AKT3: variants seen among roughly 807,000 people sequenced by gnomAD.
AKT3 encodes RAC-gamma serine/threonine-protein kinase.
In AKT3, 15 loss-of-function variants were observed where a neutral mutation model predicts 65.3. The observed-to-expected ratio is 0.23, with a 90% CI of 0.15 to 0.35. The LOEUF is 0.35. Among genes scored for constraint, AKT3 ranks in the 10% least tolerant of loss-of-function variants. AKT3 has a pLI of 1.00. For missense variants in AKT3, 243 were observed against 576.5 expected (o/e 0.42, Z 5.92); for synonymous variants, 206 against 183.8 (o/e 1.12, Z -0.98).
At chr1:243,658,665 CCT>C (rs1257446527) in intron 4 of AKT3, among the ~76,000 whole-genome samples, 2 of 151,976 alleles carry the variant, frequency 1.3e-5, no homozygotes, top group Non-Finnish European at 2.9e-5. Context: ...AAATATCTGC[CCT>C]CTCATGCTCA....
At chr1:243,668,433 T>C (rs1312118272) in intron 3 of AKT3, among the ~76,000 whole-genome samples, 2 of 152,182 alleles carry the variant, frequency 1.3e-5, no homozygotes, top group Non-Finnish European at 2.9e-5. Context: ...ATTTTCTCAC[T>C]GCTTCTGTTT....
At chr1:243,513,911 C>A (rs554189172) in intron 12 of AKT3, among the ~76,000 whole-genome samples, 21 of 152,316 alleles carry the variant, frequency 1.4e-4, no homozygotes, top group African/African-American at 4.3e-4. Flanking sequence ...CTGCTAGAAA[C>A]CCTCCCTCTG....
chr1:243,771,170 A>C (rs1431763849), intron 2 of AKT3, among the ~76,000 whole-genome samples: 3 of 152,196 alleles, frequency 2.0e-5, no homozygotes, highest in Non-Finnish European at 4.4e-5. Flanking sequence ...TTGAAACTAC[A>C]ACCTCTTCTC....
At chr1:243,671,577 T>G (rs1048439739) in intron 3 of AKT3, among the ~76,000 whole-genome samples, 1 of 152,206 alleles carries the variant, frequency 6.6e-6, no homozygotes, top group African/African-American at 2.4e-5. Flanking sequence ...TAAGACTCAA[T>G]ACATCAACCT....
chr1:243,572,297 A>C (rs1674619668), intron 9 of AKT3, among the ~76,000 whole-genome samples: 1 of 152,186 alleles, frequency 6.6e-6, no homozygotes. Flanking sequence ...CTTTTACCCT[A>C]CAATGATGGA....
At chr1:243,700,195 A>G (rs1449538606) in intron 2 of AKT3, among the ~76,000 whole-genome samples, 3 of 152,212 alleles carry the variant, frequency 2.0e-5, no homozygotes, top group Non-Finnish European at 4.4e-5. Flanking sequence ...GGCATAGGAC[A>G]TGTACAGATT....
At chr1:243,793,754 CAACAACAG>C (rs2148344009) in intron 2 of AKT3, among the ~76,000 whole-genome samples, 1 of 137,238 alleles carries the variant, frequency 7.3e-6, no homozygotes, top group East Asian at 2.2e-4. Flanking sequence ...ACTCCAGCCT[CAACAACAG>C]AGCAAAACTG....
chr1:243,563,658 A>G, intron 10 of AKT3, 62 bp downstream of exon 10: 1 of 1,527,810 alleles, frequency 6.5e-7, no homozygotes, highest in Non-Finnish European at 8.8e-7. Flanking sequence ...TAATGCTTAA[A>G]TGGTTTACTT....
intron 12 of AKT3, among the ~76,000 whole-genome samples, chr1:243,537,181 A>G (rs1671995150): frequency 1.3e-5 from 2 of 152,134 alleles, no homozygotes; most frequent in African/African-American, 4.8e-5. Flanking sequence ...AATATTTTCC[A>G]GCACTCAATC....
At chr1:243,656,184 T>C (rs571101970) in intron 4 of AKT3, among the ~76,000 whole-genome samples, 2 of 152,224 alleles carry the variant, frequency 1.3e-5, no homozygotes, top group Admixed American at 1.3e-4. Flanking sequence ...ATCCAATCTT[T>C]TTATTCCTAA....
chr1:243,585,874 C>A (rs1252577454), intron 8 of AKT3, among the ~76,000 whole-genome samples: 1 of 152,028 alleles, frequency 6.6e-6, no homozygotes, highest in Non-Finnish European at 1.5e-5. Context: ...TGAACAAAAC[C>A]AAAAATCGAC....
intron 2 of AKT3, among the ~76,000 whole-genome samples, chr1:243,716,063 G>T (rs1267350047): frequency 6.6e-6 from 1 of 152,076 alleles, no homozygotes; most frequent in Non-Finnish European, 1.5e-5. Flanking sequence ...AGAAAAATTT[G>T]TCTGTAAGGA....
intron 8 of AKT3, among the ~76,000 whole-genome samples, chr1:243,603,271 A>G (rs989544628): frequency 6.6e-6 from 1 of 152,196 alleles, no homozygotes; most frequent in African/African-American, 2.4e-5. Flanking sequence ...GCCAAGGTGC[A>G]TACCTTGTAC....
intron 3 of AKT3, among the ~76,000 whole-genome samples, chr1:243,689,832 A>G (rs778074281): frequency 2.6e-5 from 4 of 151,992 alleles, no homozygotes; most frequent in Non-Finnish European, 5.9e-5. Flanking sequence ...GTAGTCCCCA[A>G]TACTCAGGAT....
chr1:243,804,145 A>AT (rs1692569192), intron 2 of AKT3, among the ~76,000 whole-genome samples: 1 of 152,076 alleles, frequency 6.6e-6, no homozygotes, highest in Admixed American at 6.6e-5. Flanking sequence ...CTGTCTTTTA[A>AT]TTTTTTGCTT....
chr1:243,703,269 C>A (rs190851090), intron 2 of AKT3, among the ~76,000 whole-genome samples: 4 of 152,150 alleles, frequency 2.6e-5, no homozygotes, highest in East Asian at 1.9e-4. Flanking sequence ...TCTTAAATAT[C>A]AGTAATCAAT....
intron 2 of AKT3, among the ~76,000 whole-genome samples, chr1:243,831,139 T>C (rs1694483303): frequency 6.6e-6 from 1 of 152,188 alleles, no homozygotes; most frequent in Non-Finnish European, 1.5e-5. Flanking sequence ...ATCATTATTT[T>C]CTTCCCCATT....
chr1:243,807,198 G>C (rs984670931), intron 2 of AKT3, among the ~76,000 whole-genome samples: 1 of 152,228 alleles, frequency 6.6e-6, no homozygotes, highest in Non-Finnish European at 1.5e-5. Context: ...AGGACAGGGG[G>C]TGCAGTGCAC....
intron 3 of AKT3, among the ~76,000 whole-genome samples, chr1:243,668,469 C>A (rs1370257914): frequency 6.6e-6 from 1 of 151,692 alleles, no homozygotes; most frequent in Non-Finnish European, 1.5e-5. Flanking sequence ...GATATAAAGT[C>A]ATCGGGAATA....
Sources: allele counts gnomAD v4.1 joint callset (sites outside exome capture counted in the v4.1 genomes callset), GRCh38; gene constraint gnomAD v4.1.1; transcripts MANE v1.5; gene names NCBI Gene and HGNC (gene_info 2026-07-23, HGNC 2026-07-21).